DOK3: variants seen among roughly 807,000 people sequenced by gnomAD.
The protein encoded by DOK3 is docking protein 3, also known as Dok-like protein.
DOK3 carries 23 observed loss-of-function variants against 26.2 expected under a neutral mutation model. That is an observed-to-expected ratio of 0.88 (90% CI 0.63 to 1.24). The LOEUF (loss-of-function observed/expected upper bound fraction) is 1.24. DOK3 is among the 50% of genes most tolerant of loss of function. The pLI, the probability that DOK3 is intolerant of heterozygous loss-of-function variation, is 0.00. For synonymous variants in DOK3, 268 were observed against 268.2 expected (o/e 1.00, Z 0.01); for missense variants, 619 against 610.6 (o/e 1.01, Z -0.15).
At chr5:177,506,106 C>A (rs1456235883) in intron 3 of DOK3, among the ~76,000 whole-genome samples, 1 of 152,002 alleles carries the variant, frequency 6.6e-6, no homozygotes, top group African/African-American at 2.4e-5. Flanking sequence ...GTGCCCACCA[C>A]CATGCCTGGC....
At chr5:177,506,838 C>T (rs1156895240) in intron 3 of DOK3, among the ~76,000 whole-genome samples, 3 of 151,710 alleles carry the variant, frequency 2.0e-5, no homozygotes, top group East Asian at 3.9e-4. Context: ...TACAGGCATG[C>T]ACCACCATGC....
In DOK3 at chr5:177,509,816, C is replaced by A; in HGVS notation, c.-176G>T. 1 of 1,611,576 alleles carries A rather than the reference C, an allele frequency of 6.2e-7. No homozygotes were observed. The highest frequency in any genetic ancestry group is 1.1e-5 in the South Asian group (1 of 90,998). On this transcript the variant is annotated 5_prime_UTR_variant, in exon 1 of 6. Coordinates refer to ENST00000510898, the MANE Select transcript of DOK3 (RefSeq NM_001308236.3). ...TTCTCACGCACCTGGTTCAGCTGGG[C>A]ACGCGCGTCTGATCGCAGTCTGGCT...
At chr5:177,505,624 CCAGG>C (rs1431351138) in intron 3 of DOK3, among the ~76,000 whole-genome samples, 3 of 152,222 alleles carry the variant, frequency 2.0e-5, no homozygotes, top group African/African-American at 7.2e-5. Flanking sequence ...AGCTTCCTCA[CCAGG>C]CTCCTTGCTC....
Position 177,502,303 on chromosome 5 carries a change from G to A in DOK3, c.*1680C>T, listed in dbSNP as rs2127418991. The A allele has an allele frequency of 6.6e-6, 1 of 152,400 alleles. No homozygotes were observed. The highest frequency in any genetic ancestry group is 2.1e-4 in the South Asian group (1 of 4,838). The allele number at this position is 152,400 out of a possible 1,614,324, so 9.4% of individuals were successfully genotyped here. A position where few individuals can be genotyped will look rare whatever the true frequency, so the allele number is the denominator to read the frequency against. On this transcript the variant is annotated 3_prime_UTR_variant, in exon 6 of 6. Transcript: ENST00000510898. ...TCAACAACTCTTTTGAACAGTTTTT[G>A]CTGTGAAGAGGAACAGAGAAACAGA...
In DOK3 at chr5:177,504,641, G is replaced by T; in HGVS notation, c.665C>A (p.Ala222Asp). The T allele has an allele frequency of 2.5e-6, 4 of 1,612,610 alleles. No individual in the cohort carries two copies. The highest frequency in any genetic ancestry group is 3.4e-6 in the Non-Finnish European group (4 of 1,179,766). Residue 222 changes from alanine (A) to aspartate (D), a missense_variant, in exon 6 of 6, where the codon GCC becomes GAC. By Grantham distance (126) the Ala-to-Asp change is moderately radical. Coordinates refer to ENST00000510898, the MANE Select transcript of DOK3 (RefSeq NM_001308236.3). ...GSDKGVFSFE[A>D]GRRCHSGEGL... Reference sequence around the variant, plus strand: ...CTCACCCGAGTGGCAGCGACGGCCGGCCTCAAAGGAGAACACGCCCTGGGC... The same window carrying T: ...CTCACCCGAGTGGCAGCGACGGCCGTCCTCAAAGGAGAACACGCCCTGGGC...
intron 3 of DOK3, among the ~76,000 whole-genome samples, chr5:177,506,120 T>C (rs1270270023): frequency 2.0e-5 from 3 of 151,984 alleles, no homozygotes; most frequent in Non-Finnish European, 1.5e-5. Flanking sequence ...GCCTGGCTAA[T>C]TTTTTGTATT....
intron 2 of DOK3, 55 bp downstream of exon 2, chr5:177,509,420 C>A (rs1278280255): frequency 5.1e-6 from 8 of 1,562,942 alleles, no homozygotes; most frequent in Non-Finnish European, 3.5e-6. Context: ...GCAGAGGCTG[C>A]ATTCTCCACC....
intron 3 of DOK3, among the ~76,000 whole-genome samples, chr5:177,507,358 C>T (rs1031239880): frequency 6.6e-5 from 10 of 152,068 alleles, no homozygotes; most frequent in African/African-American, 2.2e-4. Flanking sequence ...ATCTTGCGGA[C>T]GGACCACGTT....
At position 177,503,034 on chromosome 5, in the gene DOK3, G is replaced by A. The variant is rs1229035023; in HGVS notation, c.*949C>T. 4 of 1,510,852 alleles carry A rather than the reference G, an allele frequency of 2.6e-6. No individual in the cohort carries two copies. Among genetic ancestry groups the A allele is most frequent in the South Asian group, 1.3e-5 (1 of 78,980 alleles). The allele number at this position is 1,510,852 out of a possible 1,614,324, so 93.6% of individuals were successfully genotyped here. A position where few individuals can be genotyped will look rare whatever the true frequency, so the allele number is the denominator to read the frequency against. ...AGAGCAAAAATTGTGTGTCCGTCATGAAAATGAGGTTCAGGATGTGCCAAG... is the reference window on the plus strand; with the variant it reads ...AGAGCAAAAATTGTGTGTCCGTCATAAAAATGAGGTTCAGGATGTGCCAAG... On this transcript the variant is annotated 3_prime_UTR_variant, in exon 6 of 6. Transcript: ENST00000510898.
intron 3 of DOK3, 64 bp from the exon 4 acceptor site, chr5:177,505,174 A>C (rs1178399965): frequency 7.0e-7 from 1 of 1,428,170 alleles, no homozygotes; most frequent in African/African-American, 1.4e-5. Context: ...CCCTCCCCTC[A>C]GTATCCCAGA....
chr5:177,503,476 C>T lies in DOK3; in HGVS notation c.*507G>A. 6.9e-7 allele frequency: 1 copy of T among 1,458,726 alleles called. No homozygotes were observed. Among genetic ancestry groups the T allele is most frequent in the Non-Finnish European group, 9.1e-7 (1 of 1,101,834 alleles). The allele number at this position is 1,458,726 out of a possible 1,614,324, so 90.4% of individuals were successfully genotyped here. ...ATCCCTTCCACCTGCACCCCGCCCC[C>T]ACTGCCTCCTCCCAGCTCGGGCCTC... is the stretch of plus-strand genomic sequence containing the variant. On this transcript the variant is annotated 3_prime_UTR_variant, in exon 6 of 6. Transcript: ENST00000510898.
At chr5:177,505,954 G>A (rs1483031882) in intron 3 of DOK3, among the ~76,000 whole-genome samples, 2 of 151,542 alleles carry the variant, frequency 1.3e-5, no homozygotes, top group Non-Finnish European at 2.9e-5. Context: ...TAGCCAGGAT[G>A]ATCTCGATCT....
chr5:177,503,790 T>TTA lies in DOK3; in HGVS notation c.*192_*193insTA. The TTA allele has an allele frequency of 7.0e-7, 1 of 1,424,946 alleles. No individual in the cohort carries two copies. Among genetic ancestry groups the TTA allele is most frequent in the Non-Finnish European group, 9.1e-7 (1 of 1,094,398 alleles). 88.3% of individuals were successfully genotyped at this position (1,424,946 alleles called of 1,614,324 possible). ...TGCCGGGAGCTGCTCTGAGCTTTAT[T>TTA]ATCTGTGAGTCTGCACACTATTCAT... On this transcript the variant is annotated 3_prime_UTR_variant, in exon 6 of 6. Coordinates refer to ENST00000510898, the MANE Select transcript of DOK3 (RefSeq NM_001308236.3).
In DOK3 at chr5:177,503,521, T is replaced by G; in HGVS notation, c.*462A>C. The G allele has an allele frequency of 7.0e-7, 1 of 1,427,816 alleles. No individual in the cohort carries two copies. The highest frequency in any genetic ancestry group is 9.2e-7 in the Non-Finnish European group (1 of 1,090,804). 88.4% of individuals were successfully genotyped at this position (1,427,816 alleles called of 1,614,324 possible). On this transcript the variant is annotated 3_prime_UTR_variant, in exon 6 of 6. Transcript: ENST00000510898. Reference sequence around the variant, plus strand: ...GGCCTCCGGGTCTCCAGTTGGGCCCTCATGTTGCTCCTTCCTGAGTCTGAC... The same window carrying G: ...GGCCTCCGGGTCTCCAGTTGGGCCCGCATGTTGCTCCTTCCTGAGTCTGAC...
At position 177,509,589 on chromosome 5, in the gene DOK3, T is replaced by C. The variant is rs2112181; in HGVS notation, c.-49A>G. On this transcript the variant is annotated 5_prime_UTR_variant, in exon 2 of 6. Transcript: ENST00000510898. ...CCGCTTCAAGACCTGGGGAGACTGA[T>C]GACAGGCTGGACGGGAACTCCTCAC... 0.067 allele frequency: 107,031 copies of C among 1,605,920 alleles called. 4,954 individuals carry two copies. The highest frequency in any genetic ancestry group is 0.2 in the East Asian group (8,799 of 44,620).
rs1363067707 is a variant in DOK3 at position 177,503,242 on chromosome 5, G to A, written c.*741C>T. ...TGGAATGTCGGCTCCCGGAGAACAG[G>A]ACCAAGGCTGTCCTGAACACGGCTG... On this transcript the variant is annotated 3_prime_UTR_variant, in exon 6 of 6. Coordinates refer to ENST00000510898, the MANE Select transcript of DOK3 (RefSeq NM_001308236.3). 1.3e-6 allele frequency: 2 copies of A among 1,551,470 alleles called. No homozygotes were observed. The highest frequency in any genetic ancestry group is 3.9e-5 in the Admixed American group (2 of 50,992).
rs778697790 is a variant in DOK3 at position 177,508,363 on chromosome 5, C to A, written c.246G>T (p.Pro82=). Reference sequence around the variant, plus strand: ...CCCGGGGGCAGCTCTCGCCGTCAGCCGGCAGCACGGACACACAGTCAGCCA... The same window carrying A: ...CCCGGGGGCAGCTCTCGCCGTCAGCAGGCAGCACGGACACACAGTCAGCCA... ...IRLADCVSVL[P]ADGESCPRDT... The change falls in exon 3 of 6, where the codon CCG becomes CCT. Residue 82 remains proline, a synonymous_variant. Transcript: ENST00000510898. 1.2e-6 allele frequency: 2 copies of A among 1,601,696 alleles called. No homozygotes were observed. The highest frequency in any genetic ancestry group is 4.5e-5 in the East Asian group (2 of 44,770).
At position 177,503,740 on chromosome 5, in the gene DOK3, CA is replaced by C. The variant is rs1759615179; in HGVS notation, c.*242del. 1.4e-6 allele frequency: 2 copies of C among 1,414,226 alleles called. No individual in the cohort carries two copies. Among genetic ancestry groups the C allele is most frequent in the African/African-American group, 1.4e-5 (1 of 69,448 alleles). 87.6% of individuals were successfully genotyped at this position (1,414,226 alleles called of 1,614,324 possible). A position where few individuals can be genotyped will look rare whatever the true frequency, so the allele number is the denominator to read the frequency against. On this transcript the variant is annotated 3_prime_UTR_variant, in exon 6 of 6. Coordinates refer to ENST00000510898, the MANE Select transcript of DOK3 (RefSeq NM_001308236.3). Reference sequence around the variant, plus strand: ...TTGTGTTGGCCGCAATGAACGTGGGCAGGGGCGTGTGCCGTGAGTGCCCCTG... The same window carrying C: ...TTGTGTTGGCCGCAATGAACGTGGGCGGGGCGTGTGCCGTGAGTGCCCCTG...
At chr5:177,510,249 G>A (rs1003527286), upstream of DOK3, 6 of 286,504 alleles carry the variant, frequency 2.1e-5, no homozygotes, top group Non-Finnish European at 4.0e-5. Flanking sequence ...GCCCCTCCAG[G>A]GCCCCCTCAC....
Sources: allele counts gnomAD v4.1 joint callset (sites outside exome capture counted in the v4.1 genomes callset), GRCh38; gene constraint gnomAD v4.1.1; transcripts MANE v1.5; gene names NCBI Gene and HGNC (gene_info 2026-07-23, HGNC 2026-07-21).